TCP11L2: variants seen among roughly 807,000 people sequenced by gnomAD.
TCP11L2 encodes t-complex 11 like 2, also known as T-complex protein 11-like protein 2.
Under a neutral mutation model 50.7 loss-of-function variants are expected in TCP11L2, and 39 were observed. The ratio of observed to expected loss-of-function variants is 0.77; its 90% CI spans 0.60 to 1.01. The LOEUF (loss-of-function observed/expected upper bound fraction) is 1.01. Among genes scored for constraint, TCP11L2 ranks in the 50% least tolerant of loss-of-function variants. The probability of loss-of-function intolerance (pLI) is 0.00; values close to 1 mark genes in which losing one functional copy is unlikely to be tolerated. For missense variants in TCP11L2, 612 were observed against 614.7 expected (o/e 1.00, Z 0.05); for synonymous variants, 192 against 219.3 (o/e 0.88, Z 1.10).
upstream of TCP11L2, among the ~76,000 whole-genome samples, chr12:106,300,253 C>T (rs920796558): frequency 5.3e-5 from 8 of 151,942 alleles, no homozygotes; most frequent in African/African-American, 1.9e-4. Flanking sequence ...GCCCTCTGAG[C>T]AACAATGTGA....
At chr12:106,305,787 G>A (rs2034604793) in intron 1 of TCP11L2, among the ~76,000 whole-genome samples, 1 of 152,178 alleles carries the variant, frequency 6.6e-6, no homozygotes, top group Non-Finnish European at 1.5e-5. Context: ...AAGGAGATCA[G>A]GGAGAGGAAC....
intron 2 of TCP11L2, among the ~76,000 whole-genome samples, chr12:106,314,149 A>G (rs2034973815): frequency 6.6e-6 from 1 of 152,242 alleles, no homozygotes; most frequent in African/African-American, 2.4e-5. Flanking sequence ...ATGTTATCAA[A>G]TATGGTAACT....
At chr12:106,316,769 G>T (rs2035100971) in intron 3 of TCP11L2, among the ~76,000 whole-genome samples, 1 of 152,068 alleles carries the variant, frequency 6.6e-6, no homozygotes, top group African/African-American at 2.4e-5. Context: ...TTTCACTGTA[G>T]TATTCCCAGT....
chr12:106,340,568 T>G (rs1475592655), intron 8 of TCP11L2, among the ~76,000 whole-genome samples: 1 of 152,226 alleles, frequency 6.6e-6, no homozygotes, highest in Non-Finnish European at 1.5e-5. Context: ...GGTGCATTTT[T>G]GGGGACCACA....
chr12:106,313,354 G>A (rs926668933), intron 2 of TCP11L2, among the ~76,000 whole-genome samples: 20 of 152,140 alleles, frequency 1.3e-4, no homozygotes, highest in African/African-American at 4.8e-4. Context: ...GCCAAGGCAG[G>A]CAGATCATCT....
chr12:106,307,036 A>G (rs1592924430), intron 1 of TCP11L2, among the ~76,000 whole-genome samples: 2 of 152,202 alleles, frequency 1.3e-5, no homozygotes, highest in African/African-American at 2.4e-5. Context: ...TTAAAAACCA[A>G]TCTCCTCTCT....
Position 106,302,926 on chromosome 12 carries a change from C to G in TCP11L2, c.-51C>G, listed in dbSNP as rs2034475072. The stretch of plus-strand genomic sequence containing the variant: ...CACTCCGTCGCCGTTCTCCTCTTGT[C>G]TACGTGCTGGACCCGGTGCGTATCC... On this transcript the variant is annotated 5_prime_UTR_variant, in exon 1 of 10. Coordinates refer to ENST00000299045, the MANE Select transcript of TCP11L2 (RefSeq NM_152772.3). 6.6e-6 allele frequency: 1 copy of G among 152,362 alleles called. No homozygotes were observed. The highest frequency in any genetic ancestry group is 1.5e-5 in the Non-Finnish European group (1 of 68,196). 9.4% of individuals were successfully genotyped at this position (152,362 alleles called of 1,614,324 possible). A position where few individuals can be genotyped will look rare whatever the true frequency, so the allele number is the denominator to read the frequency against.
At chr12:106,310,260 C>A (rs542391106) in intron 1 of TCP11L2, among the ~76,000 whole-genome samples, 2 of 152,178 alleles carry the variant, frequency 1.3e-5, no homozygotes, top group Admixed American at 6.5e-5. Flanking sequence ...TCTGTTCCCC[C>A]ACTTGTGAGT....
At chr12:106,337,076 G>GA (rs61599878) in intron 8 of TCP11L2, among the ~76,000 whole-genome samples, 141,131 of 152,212 alleles carry the variant, frequency 0.93, 65,441 homozygotes, top group East Asian at 1. Flanking sequence ...ATCTAAGTCA[G>GA]AAATTCTTAG....
Position 106,318,427 on chromosome 12 carries a change from T to C in TCP11L2, c.377T>C (p.Phe126Ser), listed in dbSNP as rs752279158. The change falls in exon 4 of 10, where the codon TTT (phenylalanine) becomes TCT (serine). Residue 126 changes from phenylalanine to serine, a missense_variant. Coordinates refer to ENST00000299045, the MANE Select transcript of TCP11L2 (RefSeq NM_152772.3). ...DSELNADPPE[F>S]EHAIKLFEEI... ...GAACTAAATGCTGACCCTCCTGAGT[T>C]TGAACATGCCATCAAACTGTTTGAA... The C allele has an allele frequency of 3.7e-6, 6 of 1,613,958 alleles. No homozygotes were observed. The South Asian group carries it at 4.4e-5, about 12-fold the overall frequency.
intron 8 of TCP11L2, 38 bp from the exon 9 acceptor site, chr12:106,340,788 A>G: frequency 6.5e-7 from 1 of 1,538,606 alleles, no homozygotes; most frequent in Non-Finnish European, 8.7e-7. Flanking sequence ...TGATGAACAA[A>G]AACTTTCCCT....
At chr12:106,327,956 A>G (rs2035615757) in intron 6 of TCP11L2, among the ~76,000 whole-genome samples, 1 of 152,246 alleles carries the variant, frequency 6.6e-6, no homozygotes, top group African/African-American at 2.4e-5. Context: ...ATCTGTGAAA[A>G]TAGCAAGAGA....
chr12:106,320,351 T>A (rs965054625), intron 4 of TCP11L2, among the ~76,000 whole-genome samples: 2 of 150,856 alleles, frequency 1.3e-5, no homozygotes, highest in African/African-American at 2.4e-5. Context: ...TGAGCCAAGA[T>A]CACACCACTG....
intron 3 of TCP11L2, among the ~76,000 whole-genome samples, chr12:106,315,734 C>T (rs2035054557): frequency 6.6e-6 from 1 of 152,218 alleles, no homozygotes; most frequent in African/African-American, 2.4e-5. Context: ...TAGTTGGAGC[C>T]ACCCCTTTGG....
Position 106,346,444 on chromosome 12 carries a change from G to C in TCP11L2, c.1474G>C (p.Gly492Arg). The change falls in exon 10 of 10, where the codon GGA (glycine) becomes CGA (arginine). Residue 492 changes from glycine to arginine, a missense_variant. Gly to Arg is a moderately radical substitution (Grantham distance 125). Transcript: ENST00000299045. ...TGTGAATCTCAACAAACAAGTGTAT[G>C]GACCATTTTATGCAAATATACTTCG... ...NIVNLNKQVY[G>R]PFYANILRKL... 2 of 1,614,114 alleles carry C rather than the reference G, an allele frequency of 1.2e-6. No individual in the cohort carries two copies. Among genetic ancestry groups the C allele is most frequent in the Non-Finnish European group, 1.7e-6 (2 of 1,180,024 alleles).
At chr12:106,336,280 G>C in intron 8 of TCP11L2, 67 bp downstream of exon 8, 1 of 1,422,838 alleles carries the variant, frequency 7.0e-7, no homozygotes, top group Non-Finnish European at 9.5e-7. Context: ...CAGAGAACAA[G>C]AATGACCTTG....
In TCP11L2 at chr12:106,346,388, T is replaced by C; in HGVS notation, c.1418T>C (p.Leu473Pro). The C allele has an allele frequency of 6.2e-7, 1 of 1,614,188 alleles. No individual in the cohort carries two copies. The highest frequency in any genetic ancestry group is 8.5e-7 in the Non-Finnish European group (1 of 1,180,020). ...GGCCTAGCTGTCATTCAGCAGGAGC[T>C]AGAAGCCCTAGGCTCTCAATATGCA... ...PGGLAVIQQE[L>P]EALGSQYANI... is the part of the protein sequence containing the mutation. Residue 473 changes from leucine to proline, a missense_variant, in exon 10 of 10, where the codon CTA becomes CCA. Leu to Pro is a moderately conservative substitution (Grantham distance 98, BLOSUM62 -3). Transcript: ENST00000299045.
chr12:106,330,263 C>T (rs758216946), intron 6 of TCP11L2: 38 of 984,942 alleles, frequency 3.9e-5, no homozygotes, highest in Non-Finnish European at 4.1e-5. Context: ...ATGTAAGAGA[C>T]ATTTTATTCA....
intron 5 of TCP11L2, 54 bp downstream of exon 5, chr12:106,321,760 G>A (rs1592951330): frequency 1.3e-6 from 2 of 1,501,928 alleles, no homozygotes; most frequent in Non-Finnish European, 9.3e-7. Context: ...TCATTCAGAA[G>A]GGAAGTTGGG....
Sources: allele counts gnomAD v4.1 joint callset (sites outside exome capture counted in the v4.1 genomes callset), GRCh38; gene constraint gnomAD v4.1.1; transcripts MANE v1.5; gene names NCBI Gene and HGNC (gene_info 2026-07-23, HGNC 2026-07-21).